The following SNX29 variants were observed in gnomAD, a reference collection of about 807,000 sequenced individuals.
SNX29 encodes the protein sorting nexin-29.
Under a neutral mutation model 102.1 loss-of-function variants are expected in SNX29, and 78 were observed. That is an observed-to-expected ratio of 0.76 (90% CI 0.64 to 0.92). SNX29 has a LOEUF of 0.92. Ranked by LOEUF, SNX29 falls within the 40% of genes least tolerant of loss-of-function variation. SNX29 has a pLI of 0.00. For missense variants in SNX29, 1,280 were observed against 1,061.7 expected (o/e 1.21, Z -2.86); for synonymous variants, 580 against 414.5 (o/e 1.40, Z -4.85).
Position 12,491,488 on chromosome 16 carries a change from A to G in SNX29, c.2178+13629A>G, listed in dbSNP as rs933603625. The stretch of plus-strand genomic sequence containing the variant: ...ACCAACACAATGGGTATAAAATGGT[A>G]TCTCATTTTGTTGCTGCTGTTGTTT... On this transcript the variant is annotated intron_variant, in intron 19 of 20. Coordinates refer to ENST00000566228, the MANE Select transcript of SNX29 (RefSeq NM_032167.5). Among the ~76,000 whole-genome samples the G allele has an allele frequency of 3.0e-5, 4 of 133,718 alleles. No individual in the cohort carries two copies. The East Asian group carries it at 6.6e-4, about 22-fold the overall frequency. 87.7% of individuals were successfully genotyped at this position (133,718 alleles called of 152,430 possible). A position where few individuals can be genotyped will look rare whatever the true frequency, so the allele number is the denominator to read the frequency against.
At chr16:12,277,724 A>G (rs1212759236) in intron 14 of SNX29, among the ~76,000 whole-genome samples, 2 of 152,104 alleles carry the variant, frequency 1.3e-5, no homozygotes, top group Non-Finnish European at 1.5e-5. Flanking sequence ...ACAGGCGCAC[A>G]CCACCATTCC....
intron 13 of SNX29, among the ~76,000 whole-genome samples, chr16:12,162,519 A>G (rs2055832038): frequency 6.6e-6 from 1 of 152,250 alleles, no homozygotes. Flanking sequence ...ACATTACATA[A>G]ATGAGTGGAC....
At chr16:12,506,602 G>C (rs999664346) in intron 19 of SNX29, among the ~76,000 whole-genome samples, 2 of 152,194 alleles carry the variant, frequency 1.3e-5, no homozygotes, top group Non-Finnish European at 2.9e-5. Context: ...TGCCCAAAAA[G>C]AAAGAAAAGA....
intron 15 of SNX29, among the ~76,000 whole-genome samples, chr16:12,345,088 C>T (rs2081751401): frequency 6.6e-6 from 1 of 152,216 alleles, no homozygotes; most frequent in African/African-American, 2.4e-5. Context: ...GAAATAAGCC[C>T]TACAAGTGTC....
At chr16:12,080,692 C>CTTT in intron 11 of SNX29, among the ~76,000 whole-genome samples, 1 of 134,746 alleles carries the variant, frequency 7.4e-6, no homozygotes, top group South Asian at 2.4e-4. Flanking sequence ...CTACAGTTTA[C>CTTT]TTTTTTTTTT....
chr16:12,048,203 A>G (rs1481315302), intron 6 of SNX29, among the ~76,000 whole-genome samples, 169 bp from the exon 7 acceptor site: 1 of 150,688 alleles, frequency 6.6e-6, no homozygotes, highest in Non-Finnish European at 1.5e-5. Flanking sequence ...GCTGGAGTGC[A>G]GTGGCGCGAT....
chr16:12,085,412 C>T (rs567910030), intron 11 of SNX29, among the ~76,000 whole-genome samples: 16 of 152,228 alleles, frequency 1.1e-4, no homozygotes, highest in Non-Finnish European at 1.9e-4. Context: ...CTGCAACCTC[C>T]GCCTCCCAGG....
At chr16:12,369,059 C>T (rs984922169) in intron 16 of SNX29, among the ~76,000 whole-genome samples, 1 of 152,104 alleles carries the variant, frequency 6.6e-6, no homozygotes, top group East Asian at 1.9e-4. Flanking sequence ...CCAGACTCCA[C>T]TCACCTCTCC....
chr16:11,991,117 T>C (rs1481279707), intron 1 of SNX29, among the ~76,000 whole-genome samples: 1 of 152,212 alleles, frequency 6.6e-6, no homozygotes, highest in African/African-American at 2.4e-5. Flanking sequence ...AAACAAATCA[T>C]GTGAGGCAGC....
intron 11 of SNX29, among the ~76,000 whole-genome samples, chr16:12,120,173 T>C (rs1054189305): frequency 1.4e-4 from 21 of 152,168 alleles, no homozygotes; most frequent in African/African-American, 5.1e-4. Context: ...AGGGAGTGGG[T>C]AGGCAGACAA....
At chr16:12,130,821 C>T (rs1351173810) in intron 13 of SNX29, among the ~76,000 whole-genome samples, 5 of 152,090 alleles carry the variant, frequency 3.3e-5, no homozygotes, top group Admixed American at 1.3e-4. Context: ...CGTTGGTCTG[C>T]GTGGGGCTGC....
chr16:12,391,487 A>G (rs2083527829), intron 16 of SNX29, among the ~76,000 whole-genome samples: 1 of 152,184 alleles, frequency 6.6e-6, no homozygotes, highest in Admixed American at 6.5e-5. Flanking sequence ...ACTTTCCAGG[A>G]TTTTGCTTGA....
intron 20 of SNX29, among the ~76,000 whole-genome samples, chr16:12,562,572 A>G (rs2078788758): frequency 2.0e-5 from 3 of 152,198 alleles, no homozygotes; most frequent in Admixed American, 1.3e-4. Context: ...CGTGGTCCCT[A>G]GTTTTTACCC....
intron 19 of SNX29, among the ~76,000 whole-genome samples, chr16:12,497,824 C>T (rs2088907558): frequency 6.6e-6 from 1 of 152,184 alleles, no homozygotes; most frequent in Non-Finnish European, 1.5e-5. Flanking sequence ...TCAGTCTCAG[C>T]ACTGATGCTC....
At chr16:12,192,328 A>G (rs1055473251) in intron 13 of SNX29, among the ~76,000 whole-genome samples, 7 of 152,246 alleles carry the variant, frequency 4.6e-5, no homozygotes, top group Admixed American at 3.9e-4. Context: ...GGACAGGCGA[A>G]TATTTGAATA....
At chr16:12,367,504 A>G (rs771802076) in intron 16 of SNX29, 4 of 152,218 alleles carry the variant, frequency 2.6e-5, no homozygotes, top group Non-Finnish European at 5.9e-5. Flanking sequence ...TTTCATATCC[A>G]GGGATGAGAT....
intron 8 of SNX29, among the ~76,000 whole-genome samples, chr16:12,061,103 C>T (rs1027519446): frequency 7.2e-5 from 11 of 152,314 alleles, no homozygotes; most frequent in Admixed American, 7.2e-4. Context: ...GGGCTTCCTC[C>T]AGCTCCCCTC....
intron 16 of SNX29, among the ~76,000 whole-genome samples, chr16:12,363,991 A>G (rs2082378529): frequency 6.6e-6 from 1 of 151,982 alleles, no homozygotes; most frequent in Non-Finnish European, 1.5e-5. Context: ...GTATCACTAT[A>G]TATACTTTAC....
At chr16:12,063,304 C>G (rs2050857195) in intron 9 of SNX29, among the ~76,000 whole-genome samples, 1 of 146,736 alleles carries the variant, frequency 6.8e-6, no homozygotes, top group Non-Finnish European at 1.5e-5. Context: ...TGTCATCTTT[C>G]TTATGTGGCC....
Sources: gnomAD v4.1 joint callset for allele counts (sites outside exome capture counted in the v4.1 genomes callset) on GRCh38, gnomAD v4.1.1 for gene constraint, MANE v1.5 for transcripts, NCBI Gene and HGNC (gene_info 2026-07-23, HGNC 2026-07-21) for gene names.